SLC9A8: variants seen among roughly 807,000 people sequenced by gnomAD.
The protein encoded by SLC9A8 is solute carrier family 9 member A8, also known as sodium/hydrogen exchanger 8.
Under a neutral mutation model 66.6 loss-of-function variants are expected in SLC9A8, and 48 were observed. The ratio of observed to expected loss-of-function variants is 0.72; its 90% CI spans 0.57 to 0.92. The LOEUF is 0.92. SLC9A8 is among the 40% of genes least tolerant of loss of function. SLC9A8 has a pLI of 0.00. For synonymous variants in SLC9A8, 274 were observed against 282.6 expected (o/e 0.97, Z 0.31); for missense variants, 599 against 747.3 (o/e 0.80, Z 2.31).
At chr20:49,830,466 C>T in intron 3 of SLC9A8, 1 of 811,622 alleles carries the variant, frequency 1.2e-6, no homozygotes, top group Non-Finnish European at 2.2e-6. Flanking sequence ...CAGTGGTATG[C>T]TGCAAGGGAT....
chr20:49,815,908 CA>C (rs904466467), intron 2 of SLC9A8, among the ~76,000 whole-genome samples: 2 of 152,100 alleles, frequency 1.3e-5, no homozygotes, highest in Non-Finnish European at 2.9e-5. Flanking sequence ...TCAATCAGAG[CA>C]GCATTTTGTG....
chr20:49,858,231 T>C (rs596195), intron 8 of SLC9A8, among the ~76,000 whole-genome samples: 48,496 of 151,804 alleles, frequency 0.32, 9,310 homozygotes, highest in South Asian at 0.57. Context: ...TACTATTGGC[T>C]TTTTCATGTT....
At chr20:49,884,336 A>ACACACACACACACACACACACC (rs1568884621) in intron 14 of SLC9A8, among the ~76,000 whole-genome samples, 3 of 108,474 alleles carry the variant, frequency 2.8e-5, no homozygotes, top group Non-Finnish European at 3.9e-5. Context: ...ACACACACAC[A>ACACACACACACACACACACACC]CCCCCCGGTC....
chr20:49,886,916 C>T lies in SLC9A8; in HGVS notation c.1638+18C>T. On this transcript the variant is annotated intron_variant, in intron 15 of 15. Transcript: ENST00000361573. This position sits in a 1 kb window ranked among gnomAD's most constrained non-coding sequence, Gnocchi z 4.8. Reference sequence around the variant, plus strand: ...CGCAGGAGGTGGGATACCGGCCAGGCCACACTTTCTGGGGGTCCCTTGCCT... The same window carrying T: ...CGCAGGAGGTGGGATACCGGCCAGGTCACACTTTCTGGGGGTCCCTTGCCT... The T allele has an allele frequency of 6.2e-7, 1 of 1,608,846 alleles. No individual in the cohort carries two copies. Among genetic ancestry groups the T allele is most frequent in the African/African-American group, 1.3e-5 (1 of 74,980 alleles).
chr20:49,870,533 C>G (rs2089172510), intron 10 of SLC9A8, among the ~76,000 whole-genome samples: 2 of 152,060 alleles, frequency 1.3e-5, no homozygotes, highest in African/African-American at 4.8e-5. Flanking sequence ...GAAGGAAGAC[C>G]AGTGTGGCCA....
chr20:49,870,872 T>C (rs1277398081), intron 10 of SLC9A8, among the ~76,000 whole-genome samples: 1 of 152,078 alleles, frequency 6.6e-6, no homozygotes, highest in African/African-American at 2.4e-5. Flanking sequence ...CCAACTAGTT[T>C]TGTATTTTTT....
At chr20:49,860,448 G>C (rs575778972) in intron 8 of SLC9A8, among the ~76,000 whole-genome samples, 13 of 152,236 alleles carry the variant, frequency 8.5e-5, no homozygotes, top group Admixed American at 2.6e-4. Context: ...CTGGCATGGT[G>C]GTTCATGTCT....
intron 4 of SLC9A8, among the ~76,000 whole-genome samples, chr20:49,840,445 CT>C (rs1180789373): frequency 2.6e-5 from 4 of 152,136 alleles, no homozygotes; most frequent in Non-Finnish European, 5.9e-5. Context: ...TAAGCCCTTC[CT>C]ACTTTGATGA....
At chr20:49,819,789 C>T (rs758494033) in intron 2 of SLC9A8, among the ~76,000 whole-genome samples, 10 of 152,180 alleles carry the variant, frequency 6.6e-5, no homozygotes, top group Non-Finnish European at 1.5e-4. Flanking sequence ...ATAAATGAAA[C>T]CATATAATAC....
In SLC9A8 at chr20:49,854,511, C is replaced by A. The variant is rs2088386269; in HGVS notation, c.570-927C>A. 2.0e-5 allele frequency among the ~76,000 whole-genome samples: 3 copies of A among 152,124 alleles called. No homozygotes were observed. In the South Asian group the frequency reaches 6.2e-4, roughly 32 times the overall value. ...GCCCCATCTAAGTGGCTCCCACACCCACACCCCCACCCCACCTTCCCACGT... is the reference window on the plus strand; with the variant it reads ...GCCCCATCTAAGTGGCTCCCACACCAACACCCCCACCCCACCTTCCCACGT... On this transcript the variant is annotated intron_variant, in intron 7 of 15. Coordinates refer to ENST00000361573, the MANE Select transcript of SLC9A8 (RefSeq NM_015266.3).
rs983731517 is a variant in SLC9A8, at chr20:49,888,702, T to A, written c.*766T>A. The A allele has an allele frequency of 1.3e-5, 2 of 152,626 alleles. No homozygotes were observed. Among genetic ancestry groups the A allele is most frequent in the African/African-American group, 4.8e-5 (2 of 41,436 alleles). 9.5% of individuals were successfully genotyped at this position (152,626 alleles called of 1,614,324 possible). On this transcript the variant is annotated 3_prime_UTR_variant, in exon 16 of 16. Transcript: ENST00000361573. ...GAGGGAAAAGCTAGAGGCACAGGGT[T>A]TCTGCCGGCCCACAACTGCTGTCTT... is the stretch of plus-strand genomic sequence containing the variant.
At chr20:49,835,722 A>G (rs1188495919) in intron 3 of SLC9A8, among the ~76,000 whole-genome samples, 2 of 111,816 alleles carry the variant, frequency 1.8e-5, no homozygotes, top group East Asian at 2.6e-4. Context: ...GTCTTGCTCT[A>G]TCACCCAGGC....
intron 4 of SLC9A8, among the ~76,000 whole-genome samples, chr20:49,842,061 T>TTA (rs1555834290): frequency 7.4e-6 from 1 of 135,686 alleles, no homozygotes; most frequent in Admixed American, 7.9e-5. Flanking sequence ...TTTATTTTAT[T>TTA]TTTTTTTTTT....
intron 3 of SLC9A8, among the ~76,000 whole-genome samples, chr20:49,838,149 C>T (rs1484768026): frequency 1.3e-5 from 2 of 152,170 alleles, no homozygotes; most frequent in Admixed American, 1.3e-4. Flanking sequence ...ATTTCCCAAA[C>T]TTTCCAAGAT....
intron 7 of SLC9A8, among the ~76,000 whole-genome samples, chr20:49,851,103 C>T (rs1028045547): frequency 6.6e-6 from 1 of 152,198 alleles, no homozygotes; most frequent in Non-Finnish European, 1.5e-5. Context: ...GGGAGTAACT[C>T]TGCTCAGCTA....
chr20:49,820,705 C>T (rs1402304985), intron 2 of SLC9A8, among the ~76,000 whole-genome samples: 2 of 151,606 alleles, frequency 1.3e-5, no homozygotes, highest in Admixed American at 6.6e-5. Flanking sequence ...ACCACCACAC[C>T]CTGCTAATTT....
Position 49,886,006 on chromosome 20 carries a change from G to A in SLC9A8, c.1492-746G>A, listed in dbSNP as rs1044503990. On this transcript the variant is annotated intron_variant, in intron 14 of 15. Transcript: ENST00000361573. The surrounding 1 kb of genome is among the most constrained non-coding windows in gnomAD (Gnocchi z 4.8). ...TTTTGTGGTTTCACAGGCCCCCCAG[G>A]TAGATTCTAATACAGACCAGTGTTT... Among the ~76,000 whole-genome samples the A allele has an allele frequency of 6.6e-6, 1 of 152,204 alleles. No homozygotes were observed. Among genetic ancestry groups the A allele is most frequent in the Non-Finnish European group, 1.5e-5 (1 of 68,032 alleles).
intron 3 of SLC9A8, among the ~76,000 whole-genome samples, chr20:49,825,255 G>A (rs2086874719): frequency 6.6e-6 from 1 of 152,132 alleles, no homozygotes; most frequent in Non-Finnish European, 1.5e-5. Context: ...TATTGTTTAA[G>A]CCATTTTTAG....
chr20:49,846,187 T>G (rs1274566672), intron 5 of SLC9A8, among the ~76,000 whole-genome samples: 1 of 152,218 alleles, frequency 6.6e-6, no homozygotes, highest in Non-Finnish European at 1.5e-5. Flanking sequence ...CTTTTAAGCC[T>G]GCTTGTGTGC....
Sources: allele counts gnomAD v4.1 joint callset (sites outside exome capture counted in the v4.1 genomes callset), GRCh38; gene constraint gnomAD v4.1.1; non-coding constraint Gnocchi (gnomAD v3.1); transcripts MANE v1.5; gene names NCBI Gene and HGNC (gene_info 2026-07-23, HGNC 2026-07-21).